ULK4: variants seen among roughly 807,000 people sequenced by gnomAD.
ULK4 encodes the protein unc-51 like kinase 4, also known as inactive serine/threonine-protein kinase ULK4.
A neutral mutation model predicts 160.6 loss-of-function variants in ULK4; 133 were observed. The observed-to-expected ratio is 0.83, with a 90% CI of 0.72 to 0.96. ULK4 has a LOEUF of 0.96. ULK4 is among the 40% of genes least tolerant of loss of function. The pLI is 0.00. For synonymous variants in ULK4, 534 were observed against 539.8 expected (o/e 0.99, Z 0.15); for missense variants, 1,580 against 1,499.5 (o/e 1.05, Z -0.89).
chr3:41,563,908 G>C (rs1294481142), intron 32 of ULK4, among the ~76,000 whole-genome samples: 1 of 152,192 alleles, frequency 6.6e-6, no homozygotes, highest in Non-Finnish European at 1.5e-5. Flanking sequence ...CGTTGCTGGA[G>C]AGGAGTTGCG....
At chr3:41,913,241 TTTGA>T (rs1559646335) in intron 8 of ULK4, 1 of 106,048 alleles carries the variant, frequency 9.4e-6, no homozygotes, top group Admixed American at 1.1e-4. Flanking sequence ...TTTTTTTTTT[TTTGA>T]GACGGAGGCT....
chr3:41,901,172 C>CTTTTTTTTTTT (rs201425733), intron 12 of ULK4, among the ~76,000 whole-genome samples: 2 of 119,926 alleles, frequency 1.7e-5, no homozygotes, highest in Non-Finnish European at 3.4e-5. Flanking sequence ...AGCATGGCTT[C>CTTTTTTTTTTT]TTTTTTTTTT....
At chr3:41,508,385 T>C (rs1007182852) in intron 32 of ULK4, among the ~76,000 whole-genome samples, 10 of 152,164 alleles carry the variant, frequency 6.6e-5, no homozygotes, top group African/African-American at 2.4e-4. Context: ...TATAATCTCT[T>C]GGGCGCTCTA....
At chr3:41,885,888 G>A (rs1697703130) in intron 16 of ULK4, among the ~76,000 whole-genome samples, 1 of 152,038 alleles carries the variant, frequency 6.6e-6, no homozygotes, top group African/African-American at 2.4e-5. Flanking sequence ...ATGTTGTCCA[G>A]GCTGGTGTTG....
intron 25 of ULK4, among the ~76,000 whole-genome samples, chr3:41,706,881 GTGTGTGTGTA>G (rs1490242221): frequency 3.9e-5 from 5 of 129,774 alleles, no homozygotes; most frequent in African/African-American, 2.1e-4. Flanking sequence ...GTGTGTGTGT[GTGTGTGTGTA>G]TATATATATA....
At chr3:41,423,281 C>T (rs2082701488) in intron 34 of ULK4, among the ~76,000 whole-genome samples, 1 of 152,108 alleles carries the variant, frequency 6.6e-6, no homozygotes, top group Admixed American at 6.5e-5. Flanking sequence ...TTCTATATTG[C>T]TTGAATTGTT....
intron 1 of ULK4, chr3:41,955,633 G>C (rs1264731454): frequency 1.3e-5 from 2 of 156,668 alleles, no homozygotes; most frequent in African/African-American, 4.8e-5. Context: ...AGTTGCTCAA[G>C]GTTTCCAAGG....
chr3:41,615,545 A>T, intron 31 of ULK4, 124 bp downstream of exon 31: 2 of 849,154 alleles, frequency 2.4e-6, no homozygotes, highest in East Asian at 2.7e-5. Flanking sequence ...GTTAAGTGTG[A>T]TGATGATGGA....
chr3:41,614,605 A>T (rs998759214), intron 31 of ULK4, among the ~76,000 whole-genome samples: 1 of 152,146 alleles, frequency 6.6e-6, no homozygotes, highest in African/African-American at 2.4e-5. Context: ...TGTTCCACTC[A>T]TCAAGGCAGC....
At chr3:41,288,981 G>A (rs1349366218) in intron 35 of ULK4, among the ~76,000 whole-genome samples, 2 of 152,178 alleles carry the variant, frequency 1.3e-5, no homozygotes, top group East Asian at 3.9e-4. Context: ...TGCCTGTAGG[G>A]GCTCCACAGC....
At chr3:41,642,432 A>C (rs891820805) in intron 30 of ULK4, among the ~76,000 whole-genome samples, 33 of 152,070 alleles carry the variant, frequency 2.2e-4, no homozygotes, top group South Asian at 6.2e-4. Context: ...GAGTGAGAAC[A>C]TGCAGTGTTT....
chr3:41,297,389 T>C (rs1205577964), intron 35 of ULK4, among the ~76,000 whole-genome samples: 1 of 152,230 alleles, frequency 6.6e-6, no homozygotes, highest in Admixed American at 6.5e-5. Context: ...TAATGCTCCA[T>C]GTGAGGATCC....
chr3:41,715,231 A>T lies in ULK4; in HGVS notation c.2634+6T>A. ...TTAGAAACAAGGAAAATTTCGTGTT[A>T]CTCACAAGAATAGTTCCATAGCTGA... On this transcript the variant is annotated splice_donor_region_variant and intron_variant, in intron 25 of 36. Coordinates refer to ENST00000301831, the MANE Select transcript of ULK4 (RefSeq NM_017886.4). The T allele has an allele frequency of 6.2e-7, 1 of 1,610,600 alleles. No homozygotes were observed. Among genetic ancestry groups the T allele is most frequent in the African/African-American group, 1.3e-5 (1 of 74,894 alleles).
intron 35 of ULK4, among the ~76,000 whole-genome samples, chr3:41,288,505 T>C (rs1466330581): frequency 6.6e-6 from 1 of 152,176 alleles, no homozygotes; most frequent in Non-Finnish European, 1.5e-5. Flanking sequence ...GTCTGACTCT[T>C]GGTATGATGT....
intron 35 of ULK4, among the ~76,000 whole-genome samples, chr3:41,272,678 T>C (rs776385235): frequency 3.9e-5 from 6 of 152,214 alleles, no homozygotes; most frequent in Non-Finnish European, 7.4e-5. Context: ...ATTTCAAGCA[T>C]TATTCCTTCA....
chr3:41,632,820 G>C (rs182219014), intron 30 of ULK4, among the ~76,000 whole-genome samples: 113 of 152,138 alleles, frequency 7.4e-4, no homozygotes, highest in African/African-American at 2.6e-3. Flanking sequence ...AAGTAAACCA[G>C]TTAAGTGGCA....
chr3:41,268,961 CT>C (rs770125436), intron 35 of ULK4, among the ~76,000 whole-genome samples: 15 of 152,232 alleles, frequency 9.9e-5, no homozygotes, highest in Non-Finnish European at 2.2e-4. Context: ...CCACCCTCAG[CT>C]GCTCCCTGGA....
At chr3:41,538,884 G>C (rs1450835785) in intron 32 of ULK4, among the ~76,000 whole-genome samples, 6 of 151,962 alleles carry the variant, frequency 3.9e-5, no homozygotes, top group Non-Finnish European at 5.9e-5. Context: ...GTATGCATGA[G>C]TTTTGATAAA....
chr3:41,767,837 AC>A (rs556361643), intron 21 of ULK4, among the ~76,000 whole-genome samples: 92 of 152,262 alleles, frequency 6.0e-4, no homozygotes, highest in African/African-American at 1.8e-3. Context: ...CACAGCTGTT[AC>A]GTCTCAAGAA....
Sources: gnomAD v4.1 joint callset for allele counts (sites outside exome capture counted in the v4.1 genomes callset) on GRCh38, gnomAD v4.1.1 for gene constraint, MANE v1.5 for transcripts, NCBI Gene and HGNC (gene_info 2026-07-23, HGNC 2026-07-21) for gene names.